Variants in APPL2 observed in about 807,000 individuals in gnomAD.
The protein encoded by APPL2 is DCC-interacting protein 13-beta.
APPL2 carries 84 observed loss-of-function variants against 92.7 expected under a neutral mutation model. That is an observed-to-expected ratio of 0.91 (90% confidence interval 0.76 to 1.09). APPL2 has a LOEUF of 1.09. APPL2 is among the 50% of genes least tolerant of loss of function. The pLI is 0.00. For missense variants in APPL2, 736 were observed against 824.5 expected (o/e 0.89, Z 1.31); for synonymous variants, 291 against 291.0 (o/e 1.00, Z 0.00).
chr12:105,224,027 C>A (rs1261799973), intron 2 of APPL2, among the ~76,000 whole-genome samples: 2 of 152,172 alleles, frequency 1.3e-5, no homozygotes, highest in African/African-American at 4.8e-5. Flanking sequence ...CACTTAACTC[C>A]TGTACCTGAG....
rs549791260 is a variant in APPL2 at position 105,210,203 on chromosome 12, G to A, written c.373+1027C>T. 7.7e-4 allele frequency among the ~76,000 whole-genome samples: 117 copies of A among 151,950 alleles called. 1 individual carries two copies. Among genetic ancestry groups the A allele is most frequent in the South Asian group, 4.8e-3 (23 of 4,800 alleles). ...TCTCGATCTCCTGACCTAGTGATCC[G>A]CCCGCCTCAGCCTCCCAAAGTGCTG... On this transcript the variant is annotated intron_variant, in intron 5 of 20. Transcript: ENST00000258530.
intron 4 of APPL2, among the ~76,000 whole-genome samples, chr12:105,214,538 A>C (rs1196764): frequency 6.6e-6 from 1 of 152,216 alleles, no homozygotes; most frequent in Non-Finnish European, 1.5e-5. Flanking sequence ...CACGCAGTGC[A>C]TGTGATATCA....
At chr12:105,211,190 A>G (rs767695096) in intron 5 of APPL2, 40 bp downstream of exon 5, 22 of 1,342,588 alleles carry the variant, frequency 1.6e-5, no homozygotes, top group Non-Finnish European at 2.0e-5. Context: ...GCATTACACA[A>G]TATTTTGAAG....
chr12:105,187,684 T>C lies in APPL2; in HGVS notation c.1634+589A>G, dbSNP rs1242050992. 3.3e-5 allele frequency among the ~76,000 whole-genome samples: 5 copies of C among 152,306 alleles called. No individual in the cohort carries two copies. In the South Asian group the frequency reaches 1.0e-3, roughly 32 times the overall value. On this transcript the variant is annotated intron_variant, in intron 17 of 20. Transcript: ENST00000258530. Reference sequence around the variant, plus strand: ...CCAGACATGTGATTAACCTAAAAAATTAGTGAGATGTTTTACATCCTAAAT... The same window carrying C: ...CCAGACATGTGATTAACCTAAAAAACTAGTGAGATGTTTTACATCCTAAAT...
chr12:105,178,909 T>A (rs1307686261), intron 17 of APPL2, among the ~76,000 whole-genome samples: 1 of 152,262 alleles, frequency 6.6e-6, no homozygotes. Flanking sequence ...AATTCCCTTA[T>A]AAGTGAAAAC....
intron 5 of APPL2, 110 bp from the exon 6 acceptor site, chr12:105,208,309 C>A: frequency 1.5e-6 from 2 of 1,301,804 alleles, no homozygotes; most frequent in Non-Finnish European, 2.2e-6. Flanking sequence ...AGGGAAGCCC[C>A]TGCACCCTCA....
intron 17 of APPL2, among the ~76,000 whole-genome samples, chr12:105,186,694 T>TATC (rs374294966): frequency 0.017 from 1,021 of 60,810 alleles, 13 homozygotes; most frequent in African/African-American, 0.019. Context: ...ATATATATCA[T>TATC]ATATCATATC....
At chr12:105,189,389 A>G (rs1282910996) in intron 16 of APPL2, among the ~76,000 whole-genome samples, 3 of 152,214 alleles carry the variant, frequency 2.0e-5, no homozygotes, top group African/African-American at 7.2e-5. Context: ...TGAATTTGAA[A>G]GACTTAAATA....
rs148984137 is a variant in APPL2, at chr12:105,218,145, A to C, written c.154-420T>G. Among the ~76,000 whole-genome samples the C allele has an allele frequency of 3.1e-3, 466 of 152,074 alleles. 1 individual carries two copies. Among genetic ancestry groups the C allele is most frequent in the Non-Finnish European group, 5.7e-3 (385 of 67,974 alleles). ...ATAAAAGAAAAAAAAATCCCTTTCC[A>C]CCATATGGAGCTAAAAGAAAAAAGA... On this transcript the variant is annotated intron_variant, in intron 2 of 20. Coordinates refer to ENST00000258530, the MANE Select transcript of APPL2 (RefSeq NM_018171.5).
Position 105,213,795 on chromosome 12 carries a change from C to G in APPL2, c.286-2478G>C, listed in dbSNP as rs369229653. ...TTCCCAGATTTAGGCCCCACCTGGG[C>G]TAACTGCTATCACTTTCTGGGTCTT... On this transcript the variant is annotated intron_variant, in intron 4 of 20. Transcript: ENST00000258530. 5.9e-5 allele frequency among the ~76,000 whole-genome samples: 9 copies of G among 152,196 alleles called. No individual in the cohort carries two copies. The East Asian group carries it at 9.6e-4, about 16-fold the overall frequency.
In APPL2 at chr12:105,229,158, C is replaced by T. The variant is rs1401325120; in HGVS notation, c.120G>A (p.Leu40=). Residue 40 remains leucine (L), a synonymous_variant, in exon 2 of 21, where the codon CTG becomes CTA. Coordinates refer to ENST00000258530, the MANE Select transcript of APPL2 (RefSeq NM_018171.5). The part of the protein sequence containing the change: ...AGTLTDYTNQ[L]LQAMQRVYGA... ...CATAGACGCGCTGCATTGCCTGGAGCAGCTGGTTGGTATAGTCTGTGAGGG... is the reference window on the plus strand; with the variant it reads ...CATAGACGCGCTGCATTGCCTGGAGTAGCTGGTTGGTATAGTCTGTGAGGG... The T allele has an allele frequency of 3.7e-6, 6 of 1,613,290 alleles. No individual in the cohort carries two copies. The highest frequency in any genetic ancestry group is 5.1e-6 in the Non-Finnish European group (6 of 1,179,750).
intron 9 of APPL2, among the ~76,000 whole-genome samples, chr12:105,201,393 G>A (rs1343921064): frequency 3.9e-5 from 6 of 152,244 alleles, no homozygotes; most frequent in South Asian, 4.1e-4. Context: ...CACATAGAAC[G>A]GGGGAGGAGA....
chr12:105,193,577 G>A (rs914675940), intron 14 of APPL2, among the ~76,000 whole-genome samples: 2 of 152,184 alleles, frequency 1.3e-5, no homozygotes, highest in African/African-American at 2.4e-5. Flanking sequence ...ATTAACCCTC[G>A]CTGACTGGAT....
At chr12:105,204,922 C>T (rs1382067912) in intron 8 of APPL2, among the ~76,000 whole-genome samples, 2 of 152,194 alleles carry the variant, frequency 1.3e-5, no homozygotes, top group African/African-American at 4.8e-5. Flanking sequence ...GTTCCGTTCT[C>T]AAAAACCTGC....
chr12:105,199,455 C>A lies in APPL2; in HGVS notation c.781G>T (p.Val261Phe). Residue 261 changes from valine (V) to phenylalanine (F), a missense_variant, in exon 10 of 21, where the codon GTT (valine) becomes TTT (phenylalanine). Physicochemically the swap from Val to Phe is conservative, Grantham distance 50 (BLOSUM62 -1). Transcript: ENST00000258530. ...QQELLSVDES[V>F]YTPDSDVAAP... ...GCCACATCAGAGTCTGGAGTGTAAA[C>A]AGATTCATCAACAGAAAGTAATTCT... 1 of 1,614,164 alleles carries A rather than the reference C, an allele frequency of 6.2e-7. No homozygotes were observed. The highest frequency in any genetic ancestry group is 8.5e-7 in the Non-Finnish European group (1 of 1,180,032).
At chr12:105,174,473 G>A (rs1166938685) in intron 20 of APPL2, 25 bp from the exon 21 acceptor site, 3 of 1,597,278 alleles carry the variant, frequency 1.9e-6, no homozygotes, top group East Asian at 2.3e-5. Context: ...GTTTAAAAGG[G>A]AAAAAAGAAA....
intron 17 of APPL2, among the ~76,000 whole-genome samples, chr12:105,186,252 T>C (rs1258574913): frequency 6.6e-6 from 1 of 152,130 alleles, no homozygotes; most frequent in African/African-American, 2.4e-5. Flanking sequence ...CATCCCAAAA[T>C]CCAAAATGCT....
intron 19 of APPL2, 191 bp downstream of exon 19, chr12:105,176,685 G>A (rs531065819): frequency 4.6e-6 from 3 of 653,782 alleles, no homozygotes; most frequent in Non-Finnish European, 7.5e-6. Context: ...CTGGTTGATA[G>A]GTATTTTCCA....
At chr12:105,177,062 T>A in intron 18 of APPL2, 46 bp from the exon 19 acceptor site, 1 of 1,611,694 alleles carries the variant, frequency 6.2e-7, no homozygotes, top group Non-Finnish European at 8.5e-7. Context: ...CTACTAGAAT[T>A]AAAAACTGAC....
Sources: gnomAD v4.1 joint callset for allele counts (sites outside exome capture counted in the v4.1 genomes callset) on GRCh38, gnomAD v4.1.1 for gene constraint, MANE v1.5 for transcripts, NCBI Gene and HGNC (gene_info 2026-07-23, HGNC 2026-07-21) for gene names.